Variants in MGST1 observed in about 807,000 individuals in gnomAD.
MGST1 encodes glutathione S-transferase 12.
Under a neutral mutation model 8.9 loss-of-function variants are expected in MGST1, and 5 were observed. The observed-to-expected ratio is 0.56, with a 90% confidence interval of 0.29 to 1.19. The LOEUF is 1.19. Ranked by LOEUF, MGST1 falls within the 50% of genes most tolerant of loss-of-function variation. The pLI is 0.08. For missense variants in MGST1, 182 were observed against 187.4 expected (o/e 0.97, Z 0.17); for synonymous variants, 54 against 67.8 (o/e 0.80, Z 1.00).
At chr12:16,569,790 G>T (rs984464032) in intron 4 of MGST1, among the ~76,000 whole-genome samples, 6 of 151,910 alleles carry the variant, frequency 3.9e-5, no homozygotes, top group Non-Finnish European at 8.8e-5. Flanking sequence ...GTTATGGAAA[G>T]AACTAGAGTA....
downstream of MGST1, among the ~76,000 whole-genome samples, chr12:16,592,169 C>T (rs144081572): frequency 3.3e-5 from 5 of 151,936 alleles, no homozygotes; most frequent in Non-Finnish European, 1.5e-5. Flanking sequence ...TTTATAAGAA[C>T]GAAGTATTGG....
At position 16,401,752 on chromosome 12, in the gene MGST1, C is replaced by G; in HGVS notation, n.778+18148C>G. ...GCAAGGTATTTTTTCTCTTCAACGG[C>G]CTTTTCCACAGACTCAGCCAGTTTG... On this transcript the variant is annotated intron_variant and non_coding_transcript_variant, in intron 1 of 1. Coordinates refer to the MGST1 transcript ENST00000359720. This position sits in a 1 kb window ranked among gnomAD's most constrained non-coding sequence, Gnocchi z 4.3. The G allele has an allele frequency of 3.1e-6, 5 of 1,599,890 alleles. No individual in the cohort carries two copies. Among genetic ancestry groups the G allele is most frequent in the Non-Finnish European group, 4.3e-6 (5 of 1,167,058 alleles).
intron 4 of MGST1, among the ~76,000 whole-genome samples, chr12:16,558,747 A>G (rs909095500): frequency 6.6e-6 from 1 of 152,174 alleles, no homozygotes; most frequent in South Asian, 2.1e-4. Context: ...TTAGCAAGAA[A>G]CACTATTGTG....
At chr12:16,384,316 ATTAAG>A (rs1414215318) in intron 1 of MGST1, among the ~76,000 whole-genome samples, 1 of 152,172 alleles carries the variant, frequency 6.6e-6, no homozygotes, top group Non-Finnish European at 1.5e-5. Flanking sequence ...GGCAGACATA[ATTAAG>A]TTAAGGTTAT....
chr12:16,420,031 A>G (rs904231334), intron 1 of MGST1, among the ~76,000 whole-genome samples: 1 of 152,218 alleles, frequency 6.6e-6, no homozygotes, highest in Admixed American at 6.5e-5. Flanking sequence ...TAGTGTGAGG[A>G]AAGGGTGATT....
chr12:16,375,399 A>G (rs1019002667), intron 3 of MGST1, among the ~76,000 whole-genome samples: 4 of 152,188 alleles, frequency 2.6e-5, no homozygotes, highest in African/African-American at 9.7e-5. Context: ...GAAAGTAAAA[A>G]GAAACAAAGA....
chr12:16,402,440 C>G, intron 1 of MGST1: 1 of 1,602,704 alleles, frequency 6.2e-7, no homozygotes. Context: ...CGCCGCTTCT[C>G]CTCGGGTTCT....
At chr12:16,509,736 T>A (rs1316830010) in intron 4 of MGST1, among the ~76,000 whole-genome samples, 2 of 152,204 alleles carry the variant, frequency 1.3e-5, no homozygotes, top group African/African-American at 4.8e-5. Flanking sequence ...TCAACTATGT[T>A]GGTCTCTTGT....
chr12:16,415,961 CTTTCA>C (rs1267748074), intron 1 of MGST1, among the ~76,000 whole-genome samples: 1 of 152,204 alleles, frequency 6.6e-6, no homozygotes, highest in East Asian at 1.9e-4. Flanking sequence ...AAGAAATAAT[CTTTCA>C]TTTCATTTCA....
intron 4 of MGST1, among the ~76,000 whole-genome samples, chr12:16,492,535 C>T (rs1941446548): frequency 6.6e-6 from 1 of 152,096 alleles, no homozygotes. Context: ...ACAAGTTTAC[C>T]TTATGCTTAG....
chr12:16,583,046 CAAAA>C (rs55665813), intron 4 of MGST1, among the ~76,000 whole-genome samples: 30,384 of 126,592 alleles, frequency 0.24, 3,580 homozygotes, highest in South Asian at 0.34. Context: ...GACTCCGCCT[CAAAA>C]AAAAAAAAAA....
At chr12:16,349,748 T>C (rs897993700) in intron 1 of MGST1, among the ~76,000 whole-genome samples, 4 of 149,416 alleles carry the variant, frequency 2.7e-5, no homozygotes, top group Non-Finnish European at 4.5e-5. Context: ...AGCTTCTTTT[T>C]TTTTTTTTTT....
chr12:16,437,331 A>T (rs887363703), intron 1 of MGST1: 1 of 151,988 alleles, frequency 6.6e-6, no homozygotes, highest in Non-Finnish European at 1.5e-5. Context: ...AGACTGAAGC[A>T]TATGGTAAAG....
At chr12:16,380,725 C>A (rs1828577284), downstream of MGST1, among the ~76,000 whole-genome samples, 1 of 152,024 alleles carries the variant, frequency 6.6e-6, no homozygotes, top group African/African-American at 2.4e-5. Context: ...GTTGATCTGT[C>A]TAATGTTGAC....
rs893412496 is a variant in MGST1, at chr12:16,389,886, A to G, written n.778+6282A>G. Reference sequence around the variant, plus strand: ...CTCCCAAGGGGAAGTTGTAATGAAGAGTGAGGCAGGATTGCGTAAGTAGAA... The same window carrying G: ...CTCCCAAGGGGAAGTTGTAATGAAGGGTGAGGCAGGATTGCGTAAGTAGAA... On this transcript the variant is annotated intron_variant and non_coding_transcript_variant, in intron 1 of 1. Transcript: ENST00000359720. The surrounding 1 kb of genome is among the most constrained non-coding windows in gnomAD (Gnocchi z 4.6). Among the ~76,000 whole-genome samples the G allele has an allele frequency of 2.6e-5, 4 of 152,134 alleles. No individual in the cohort carries two copies. Among genetic ancestry groups the G allele is most frequent in the Non-Finnish European group, 4.4e-5 (3 of 68,024 alleles).
intron 1 of MGST1, among the ~76,000 whole-genome samples, chr12:16,432,929 G>A (rs968064885): frequency 2.0e-5 from 3 of 152,062 alleles, no homozygotes; most frequent in African/African-American, 7.2e-5. Context: ...CCTAGTCAAT[G>A]CTCTGAGAAC....
intron 4 of MGST1, among the ~76,000 whole-genome samples, chr12:16,542,288 G>T (rs143081004): frequency 0.01 from 1,556 of 152,238 alleles, 26 homozygotes; most frequent in African/African-American, 0.036. Flanking sequence ...CTGTTAGTAA[G>T]AATAAAAGAA....
At position 16,413,580 on chromosome 12, in the gene MGST1, C is replaced by T. The variant is rs1164908503; in HGVS notation, n.779-23808C>T. Among the ~76,000 whole-genome samples, 6 of 152,046 alleles carry T rather than the reference C, an allele frequency of 3.9e-5. No individual in the cohort carries two copies. The highest frequency in any genetic ancestry group is 1.2e-4 in the African/African-American group (5 of 41,400). On this transcript the variant is annotated intron_variant and non_coding_transcript_variant, in intron 1 of 1. Coordinates refer to the MGST1 transcript ENST00000359720. The surrounding 1 kb of genome is among the most constrained non-coding windows in gnomAD (Gnocchi z 4.0). ...CCATCACACCTGATTCCCTTTTATC[C>T]CCTCCCCAGGTCCAGTGAGTAAACT...
intron 4 of MGST1, among the ~76,000 whole-genome samples, chr12:16,575,049 T>C (rs1395217790): frequency 6.6e-6 from 1 of 151,946 alleles, no homozygotes; most frequent in African/African-American, 2.4e-5. Flanking sequence ...AGAAAAGGTG[T>C]TTTCGTTTGT....
Sources: allele counts gnomAD v4.1 joint callset (sites outside exome capture counted in the v4.1 genomes callset), GRCh38; gene constraint gnomAD v4.1.1; non-coding constraint Gnocchi (gnomAD v3.1); transcripts MANE v1.5; gene names NCBI Gene and HGNC (gene_info 2026-07-23, HGNC 2026-07-21).